Variants in PPP2R3B observed in about 807,000 individuals in gnomAD.
PPP2R3B encodes the protein protein phosphatase 2 regulatory subunit B''beta, also known as serine/threonine-protein phosphatase 2A regulatory subunit B'' subunit beta.
PPP2R3B carries 68 observed loss-of-function variants against 72.9 expected under a neutral mutation model. That is an observed-to-expected ratio of 0.93 (90% CI 0.77 to 1.14). The LOEUF is 1.14. Among genes scored for constraint, PPP2R3B ranks in the 50% most tolerant of loss-of-function variants. PPP2R3B has a pLI of 0.00. For synonymous variants in PPP2R3B, 466 were observed against 375.8 expected (o/e 1.24, Z -2.78); for missense variants, 1,018 against 842.0 (o/e 1.21, Z -2.59).
intron 12 of PPP2R3B, chrX:337,998 A>C (rs1014822527): frequency 1.8e-4 from 29 of 157,050 alleles, no homozygotes; most frequent in Non-Finnish European, 3.4e-4. Flanking sequence ...TAGATATGAC[A>C]CCAGAAACAC....
chrX:338,657 C>T lies in PPP2R3B; in HGVS notation c.1524G>A (p.Glu508=). ...CCTCGGCCACCAGGATGTCGTACTC[C>T]TCGGCCGCGTACTTCTCCCAGTCCG... The part of the protein sequence containing the change: ...ELSDWEKYAA[E]EYDILVAEET... Residue 508 remains glutamate, a synonymous_variant, in exon 12 of 13, where the codon GAG becomes GAA. Coordinates refer to ENST00000390665, the MANE Select transcript of PPP2R3B (RefSeq NM_013239.5). The T allele has an allele frequency of 6.2e-7, 1 of 1,611,396 alleles. No individual in the cohort carries two copies. Among genetic ancestry groups the T allele is most frequent in the Non-Finnish European group, 8.5e-7 (1 of 1,179,644 alleles).
chrX:386,597 A>T lies in PPP2R3B; in HGVS notation c.95T>A (p.Leu32Gln). The change falls in exon 1 of 13, where the codon CTG (leucine) becomes CAG (glutamine). Residue 32 changes from leucine to glutamine, a missense_variant. By Grantham distance (113) the Leu-to-Gln change is moderately radical (BLOSUM62 -2). Transcript: ENST00000390665. ...WLSEASTQRM[L>Q]QDCLRRIKAP... ...CTTGATCCGGCGCAGGCAGTCCTGC[A>T]GCATCCGCTGCGTGCTGGCCTCGCT... The T allele has an allele frequency of 1.4e-6, 2 of 1,449,994 alleles. No homozygotes were observed. The highest frequency in any genetic ancestry group is 6.1e-5 in the East Asian group (2 of 32,926). 89.8% of individuals were successfully genotyped at this position (1,449,994 alleles called of 1,614,324 possible).
intron 1 of PPP2R3B, among the ~76,000 whole-genome samples, chrX:379,574 C>T (rs1191597297): frequency 1.3e-5 from 2 of 152,224 alleles, no homozygotes; most frequent in African/African-American, 2.4e-5. Flanking sequence ...ATAAAAATCA[C>T]AGGTTAGGTG....
At chrX:373,678 T>A (rs1268927350) in intron 1 of PPP2R3B, 2 of 179,134 alleles carry the variant, frequency 1.1e-5, no homozygotes, top group Non-Finnish European at 2.3e-5. Flanking sequence ...CGCAGGGCTC[T>A]CCGCGGGCCG....
At chrX:346,538 G>A (rs1431012194) in intron 5 of PPP2R3B, 163 bp downstream of exon 5, 2 of 702,974 alleles carry the variant, frequency 2.8e-6, no homozygotes, top group Non-Finnish European at 2.3e-6. Context: ...CCCCAACACC[G>A]GGCTCCCGGG....
At chrX:338,437 C>A in intron 12 of PPP2R3B, 167 bp downstream of exon 12, 1 of 691,286 alleles carries the variant, frequency 1.4e-6, no homozygotes, top group Admixed American at 2.2e-5. Flanking sequence ...CCTTACCTCA[C>A]CGGCCCCGTG....
chrX:363,517 C>T (rs1441166015), intron 1 of PPP2R3B, among the ~76,000 whole-genome samples: 2 of 67,198 alleles, frequency 3.0e-5, no homozygotes, highest in Non-Finnish European at 3.2e-5. Context: ...CCCGAGCCCG[C>T]GATCCCGCAG....
At chrX:359,160 G>A (rs2071495158) in intron 2 of PPP2R3B, among the ~76,000 whole-genome samples, 1 of 152,254 alleles carries the variant, frequency 6.6e-6, no homozygotes, top group Admixed American at 6.5e-5. Context: ...GGGTGGGGCC[G>A]GGCGCACTCC....
At chrX:350,862 GGGCCCGT>G (rs2071315917) in intron 2 of PPP2R3B, among the ~76,000 whole-genome samples, 1 of 152,200 alleles carries the variant, frequency 6.6e-6, no homozygotes, top group Admixed American at 6.5e-5. Flanking sequence ...AGTGGGAAGA[GGGCCCGT>G]GCCCGTGAGA....
In PPP2R3B at chrX:338,589, G is replaced by A. The variant is rs765048918; in HGVS notation, c.1577+15C>T. 4.1e-5 allele frequency: 64 copies of A among 1,553,718 alleles called. No homozygotes were observed. Among genetic ancestry groups the A allele is most frequent in the Middle Eastern group, 2.2e-4 (1 of 4,474 alleles). On this transcript the variant is annotated intron_variant, in intron 12 of 12. Transcript: ENST00000390665. The stretch of plus-strand genomic sequence containing the variant: ...CACTGACCCGTCCCCCCACTCACCC[G>A]TCCTCCCCACTCACCCGTCCTCCCA...
intron 1 of PPP2R3B, among the ~76,000 whole-genome samples, chrX:372,055 G>A (rs776465895): frequency 7.2e-5 from 11 of 152,284 alleles, no homozygotes; most frequent in Non-Finnish European, 1.5e-4. Context: ...CCACTGCAGG[G>A]CTGAAGGGCT....
chrX:368,910 C>T (rs1349756312), intron 1 of PPP2R3B, among the ~76,000 whole-genome samples: 2 of 152,142 alleles, frequency 1.3e-5, no homozygotes, highest in African/African-American at 4.8e-5. Context: ...AAGCCGGGAC[C>T]ACCCACCATG....
At chrX:341,975 GC>G (rs781051830) in intron 7 of PPP2R3B, 44 bp from the exon 8 acceptor site, 9 of 1,608,574 alleles carry the variant, frequency 5.6e-6, no homozygotes, top group Admixed American at 1.7e-5. Flanking sequence ...CCGTGCCTCG[GC>G]CCCGACGTCA....
At chrX:338,239 A>C in intron 12 of PPP2R3B, 1 of 404,696 alleles carries the variant, frequency 2.5e-6, no homozygotes, top group Non-Finnish European at 4.6e-6. Context: ...GGAGGCTGGA[A>C]TGGCCACGGG....
intron 12 of PPP2R3B, chrX:336,759 C>T (rs1486821682): frequency 6.6e-6 from 1 of 152,138 alleles, no homozygotes; most frequent in African/African-American, 2.4e-5. Flanking sequence ...CTTAAAAGCA[C>T]CGCTGACAAC....
At chrX:364,659 A>G (rs757025709) in intron 1 of PPP2R3B, among the ~76,000 whole-genome samples, 9,227 of 108,464 alleles carry the variant, frequency 0.085, 470 homozygotes, top group Non-Finnish European at 0.1. Flanking sequence ...CGGAGGTTGC[A>G]GTGAGCTGAG....
In PPP2R3B at chrX:386,644, G is replaced by A. The variant is rs760545219; in HGVS notation, c.48C>T (p.Asp16=). 11 of 1,421,906 alleles carry A rather than the reference G, an allele frequency of 7.7e-6. No homozygotes were observed. Among genetic ancestry groups the A allele is most frequent in the South Asian group, 4.4e-5 (3 of 67,858 alleles). 88.1% of individuals were successfully genotyped at this position (1,421,906 alleles called of 1,614,324 possible). A position where few individuals can be genotyped will look rare whatever the true frequency, so the allele number is the denominator to read the frequency against. The change falls in exon 1 of 13, where the codon GAC becomes GAT. Residue 16 remains aspartate, a synonymous_variant. Transcript: ENST00000390665. ...CGCTGAGCCAGTACAGGAACAGCTC[G>A]TCCACCTTCATCTTCAGGACCGGCT... The part of the protein sequence containing the change: ...VLQPVLKMKV[D]ELFLYWLSEA...
intron 2 of PPP2R3B, among the ~76,000 whole-genome samples, chrX:357,928 C>T (rs1569398554): frequency 6.6e-6 from 1 of 152,192 alleles, no homozygotes; most frequent in East Asian, 1.9e-4. Context: ...CAGGAGAAGG[C>T]ACACACGGAC....
At position 345,573 on chromosome X, in the gene PPP2R3B, C is replaced by T; in HGVS notation, c.979G>A (p.Asp327Asn). The T allele has an allele frequency of 6.2e-7, 1 of 1,613,318 alleles. No individual in the cohort carries two copies. Among genetic ancestry groups the T allele is most frequent in the Non-Finnish European group, 8.5e-7 (1 of 1,179,556 alleles). Residue 327 changes from aspartate (D) to asparagine (N), a missense_variant, in exon 7 of 13, where the codon GAC becomes AAC. Coordinates refer to ENST00000390665, the MANE Select transcript of PPP2R3B (RefSeq NM_013239.5). ...TCGATGAGCAGGTCGTGGTCCGTGT[C>T]CAGCTCCCAGAACTTGCAGTAGATG... ...YVIYCKFWEL[D>N]TDHDLLIDAD...
Sources: allele counts gnomAD v4.1 joint callset (sites outside exome capture counted in the v4.1 genomes callset), GRCh38; gene constraint gnomAD v4.1.1; transcripts MANE v1.5; gene names NCBI Gene and HGNC (gene_info 2026-07-23, HGNC 2026-07-21).